The following IL3RA variants were observed in gnomAD, a reference collection of about 807,000 sequenced individuals.
The protein encoded by IL3RA is interleukin-3 receptor subunit alpha.
IL3RA carries 73 observed loss-of-function variants against 52.3 expected under a neutral mutation model. The observed-to-expected ratio is 1.40, with a 90% CI of 1.16 to 1.70. The LOEUF is 1.70. IL3RA is among the 40% of genes most tolerant of loss of function. The probability of loss-of-function intolerance (pLI) is 0.00; values close to 1 mark genes in which losing one functional copy is unlikely to be tolerated. For synonymous variants in IL3RA, 260 were observed against 194.0 expected, an observed-to-expected ratio of 1.34 and a Z score of -2.83; for missense variants, 664 against 504.4, an observed-to-expected ratio of 1.32 and a Z score of -3.03.
chrX:1,370,826 T>G (rs778616693), intron 9 of IL3RA, among the ~76,000 whole-genome samples: 1 of 75,440 alleles, frequency 1.3e-5, no homozygotes, highest in Non-Finnish European at 2.4e-5. Flanking sequence ...AGACGGCATC[T>G]CCAAGCCCAG....
chrX:1,341,692 C>A, intron 1 of IL3RA, 36 bp from the exon 2 acceptor site: 2 of 1,554,114 alleles, frequency 1.3e-6, no homozygotes, highest in Admixed American at 3.4e-5. Flanking sequence ...AGTTTCACAG[C>A]CAGTCCCCGC....
At chrX:1,349,899 G>A (rs763349213) in intron 4 of IL3RA, among the ~76,000 whole-genome samples, 50 of 151,812 alleles carry the variant, frequency 3.3e-4, no homozygotes, top group Admixed American at 7.9e-4. Context: ...TGATCCACCC[G>A]CCTCAGCCTC....
intron 9 of IL3RA, among the ~76,000 whole-genome samples, chrX:1,367,512 C>G (rs867132551): frequency 9.7e-4 from 27 of 27,900 alleles, no homozygotes; most frequent in South Asian, 1.3e-3. Flanking sequence ...CGGGGTGAGC[C>G]GGGTGCGCGG....
intron 8 of IL3RA, among the ~76,000 whole-genome samples, chrX:1,359,427 C>T (rs1357487736): frequency 6.6e-6 from 1 of 152,092 alleles, no homozygotes; most frequent in Non-Finnish European, 1.5e-5. Context: ...ATCTCTTTCC[C>T]CGTATCTCTT....
intron 4 of IL3RA, among the ~76,000 whole-genome samples, chrX:1,350,423 C>A (rs1366081097): frequency 2.6e-5 from 4 of 151,892 alleles, no homozygotes; most frequent in Admixed American, 2.6e-4. Flanking sequence ...AACCCCATCT[C>A]TACTAAAAAT....
At chrX:1,362,295 C>T (rs1328851604) in intron 8 of IL3RA, among the ~76,000 whole-genome samples, 1 of 151,332 alleles carries the variant, frequency 6.6e-6, no homozygotes, top group Non-Finnish European at 1.5e-5. Context: ...TCTCTGTCTC[C>T]CCTCTCTGTG....
intron 9 of IL3RA, among the ~76,000 whole-genome samples, chrX:1,377,097 G>A (rs1185360480): frequency 9.2e-6 from 1 of 108,470 alleles, no homozygotes; most frequent in African/African-American, 4.4e-5. Flanking sequence ...GGACAACCCT[G>A]TGGGACACGG....
intron 7 of IL3RA, 149 bp downstream of exon 7, chrX:1,356,485 A>C: frequency 1.1e-5 from 7 of 621,252 alleles, no homozygotes; most frequent in East Asian, 2.8e-5. Flanking sequence ...AACAAAAACA[A>C]AAGGCCGGGC....
At chrX:1,379,344 C>T (rs1256769174) in intron 10 of IL3RA, among the ~76,000 whole-genome samples, 3 of 151,900 alleles carry the variant, frequency 2.0e-5, no homozygotes, top group South Asian at 2.1e-4. Context: ...TTAGTGGAGA[C>T]GGGGTTTCAC....
rs189570044 is a variant in IL3RA, at chrX:1,348,313, A to C, written c.184-118A>C. On this transcript the variant is annotated intron_variant, in intron 3 of 11. Transcript: ENST00000331035. ...GGCTGCAGTGAGCCGAGATCACGCC[A>C]CTGCACTCCAGCGTGGGCGACGAGA... The C allele has an allele frequency of 1.3e-3, 1,044 of 777,678 alleles. 8 individuals carry two copies. The African/African-American group carries it at 0.015, about 11-fold the overall frequency. 48.2% of individuals were successfully genotyped at this position (777,678 alleles called of 1,614,324 possible).
intron 2 of IL3RA, among the ~76,000 whole-genome samples, chrX:1,344,388 C>A (rs1261564681): frequency 6.6e-6 from 1 of 151,784 alleles, no homozygotes; most frequent in Admixed American, 6.6e-5. Context: ...GAGCCGAGAT[C>A]GCGCCACTGA....
At position 1,356,237 on chromosome X, in the gene IL3RA, CA is replaced by C. The variant is rs767138072; in HGVS notation, c.635del (p.Asn212ThrfsTer2). The C allele has an allele frequency of 1.2e-6, 2 of 1,610,238 alleles. No individual in the cohort carries two copies. The highest frequency in any genetic ancestry group is 1.7e-6 in the Non-Finnish European group (2 of 1,176,836). On this transcript the variant is annotated frameshift_variant, in exon 7 of 12. Coordinates refer to ENST00000331035, the MANE Select transcript of IL3RA (RefSeq NM_002183.4). LOFTEE classifies it high-confidence loss of function. ...CGTTGCTAGAGATATTAACTCCACC[CA>C]ACATGACTGCAAAGTGTAATAAGAC... ...FSQIEILTPPNMTAKCNKTHS... is the reference protein window; with the variant it reads ...FSQIEILTPPXMTAKCNKTHS...
chrX:1,367,865 T>G (rs1490156602), intron 9 of IL3RA, among the ~76,000 whole-genome samples: 1 of 151,268 alleles, frequency 6.6e-6, no homozygotes, highest in Non-Finnish European at 1.5e-5. Flanking sequence ...ACTCCTCTCC[T>G]GCAAAGGAGA....
At chrX:1,380,845 T>TG (rs1323696706) in intron 10 of IL3RA, among the ~76,000 whole-genome samples, 178 bp from the exon 11 acceptor site, 5 of 151,336 alleles carry the variant, frequency 3.3e-5, no homozygotes, top group African/African-American at 1.2e-4. Context: ...AGCGCCTGCC[T>TG]ATGATGATGG....
At position 1,374,088 on chromosome X, in the gene IL3RA, C is replaced by G. The variant is rs1299778203; in HGVS notation, c.875-4571C>G. Among the ~76,000 whole-genome samples the G allele has an allele frequency of 6.7e-5, 4 of 59,724 alleles. 1 individual carries two copies. The highest frequency in any genetic ancestry group is 1.1e-4 in the Non-Finnish European group (4 of 36,898). The allele number at this position is 59,724 out of a possible 152,430, so 39.2% of individuals were successfully genotyped here. A position where few individuals can be genotyped will look rare whatever the true frequency, so the allele number is the denominator to read the frequency against. On this transcript the variant is annotated intron_variant, in intron 9 of 11. Transcript: ENST00000331035. ...CCTGTGGGACACAGGGAGAAGACGG[C>G]GTCTCCAAGCCCAGGAGAGGGGCCT...
At chrX:1,380,446 G>GGGGGGAGGAGAGGAAAT (rs1299397485) in intron 10 of IL3RA, among the ~76,000 whole-genome samples, 30 of 1,380 alleles carry the variant, frequency 0.022, 3 homozygotes, top group East Asian at 0.05. Context: ...AAGGGGAAGA[G>GGGGGGAGGAGAGGAAAT]GGGGGAGGAG....
intron 3 of IL3RA, among the ~76,000 whole-genome samples, chrX:1,347,235 G>C (rs2085782178): frequency 1.3e-5 from 2 of 150,754 alleles, no homozygotes; most frequent in Non-Finnish European, 2.9e-5. Flanking sequence ...CACGAGGTCA[G>C]GAGATCGAGA....
chrX:1,348,694 T>TTTCTTTC (rs1569520730), intron 4 of IL3RA, 149 bp downstream of exon 4: 17 of 273,462 alleles, frequency 6.2e-5, no homozygotes, highest in African/African-American at 5.0e-4. Flanking sequence ...TTCTTTCTTT[T>TTTCTTTC]TCTTTCTTTC....
Position 1,352,415 on chromosome X carries a change from C to A in IL3RA, c.525C>A (p.Ser175Arg), listed in dbSNP as rs757844629. ...CRFDDISRLS[S>R]GSQSSHILVR... Reference sequence around the variant, plus strand: ...TCGATGACATCTCTCGACTCTCCAGCGGTTCTCAAAGTTCCCACATCCTGG... The same window carrying A: ...TCGATGACATCTCTCGACTCTCCAGAGGTTCTCAAAGTTCCCACATCCTGG... The change falls in exon 6 of 12, where the codon AGC (serine) becomes AGA (arginine). Residue 175 changes from serine to arginine, a missense_variant. Transcript: ENST00000331035. 2 of 1,613,852 alleles carry A rather than the reference C, an allele frequency of 1.2e-6. No homozygotes were observed. Among genetic ancestry groups the A allele is most frequent in the Admixed American group, 3.3e-5 (2 of 60,000 alleles).
Sources: allele counts gnomAD v4.1 joint callset (sites outside exome capture counted in the v4.1 genomes callset), GRCh38; gene constraint gnomAD v4.1.1; transcripts MANE v1.5; gene names NCBI Gene and HGNC (gene_info 2026-07-23, HGNC 2026-07-21).